The following NEK11 variants were observed in gnomAD, a reference collection of about 807,000 sequenced individuals.
NEK11 encodes the protein NIMA related kinase 11, also known as serine/threonine-protein kinase Nek11.
NEK11 carries 72 observed loss-of-function variants against 80.7 expected under a neutral mutation model. The observed-to-expected ratio is 0.89, with a 90% CI of 0.74 to 1.08. The LOEUF (loss-of-function observed/expected upper bound fraction) is 1.08, where lower values mean the gene tolerates loss of function less well. Among genes scored for constraint, NEK11 ranks in the 50% least tolerant of loss-of-function variants. The probability of loss-of-function intolerance (pLI) is 0.00; values close to 1 mark genes in which losing one functional copy is unlikely to be tolerated. For missense variants in NEK11, 764 were observed against 763.6 expected, an observed-to-expected ratio of 1.00 and a Z score of -0.01; for synonymous variants, 251 against 260.7, an observed-to-expected ratio of 0.96 and a Z score of 0.36.
chr3:131,271,969 G>T (rs987664380), intron 16 of NEK11, among the ~76,000 whole-genome samples: 16 of 151,204 alleles, frequency 1.1e-4, no homozygotes, highest in African/African-American at 3.9e-4. Flanking sequence ...GCATGGTGGC[G>T]CACGCCTGTA....
intron 16 of NEK11, among the ~76,000 whole-genome samples, chr3:131,248,413 A>G (rs1037153802): frequency 3.5e-4 from 53 of 152,040 alleles, no homozygotes; most frequent in Non-Finnish European, 5.7e-4. Context: ...AGTACATGAG[A>G]TTTTTTAAAT....
chr3:131,262,120 A>G (rs1331370747), intron 16 of NEK11, among the ~76,000 whole-genome samples: 1 of 152,190 alleles, frequency 6.6e-6, no homozygotes, highest in African/African-American at 2.4e-5. Context: ...TTAAAGAAAT[A>G]AAAAGGATTG....
chr3:131,297,007 CT>C (rs1331092400), intron 17 of NEK11, among the ~76,000 whole-genome samples: 2 of 152,122 alleles, frequency 1.3e-5, no homozygotes, highest in African/African-American at 4.8e-5. Context: ...TTTTTTATGG[CT>C]GCATAGTATT....
Position 131,350,087 on chromosome 3 carries a change from G to C in NEK11, c.*311G>C, listed in dbSNP as rs1000348922. On this transcript the variant is annotated 3_prime_UTR_variant, in exon 18 of 18. Transcript: ENST00000383366. The stretch of plus-strand genomic sequence containing the variant: ...GGATTGAGTCACCCTGACGATGACC[G>C]GGGAGAAGCCGTGTGCTCTTCATTA... 3.3e-6 allele frequency: 1 copy of C among 301,980 alleles called. No individual in the cohort carries two copies. Among genetic ancestry groups the C allele is most frequent in the Non-Finnish European group, 6.3e-6 (1 of 158,828 alleles). 18.7% of individuals were successfully genotyped at this position (301,980 alleles called of 1,614,324 possible).
chr3:131,165,349 A>T, intron 11 of NEK11, 77 bp from the exon 12 acceptor site: 1 of 884,860 alleles, frequency 1.1e-6, no homozygotes, highest in Non-Finnish European at 1.8e-6. Flanking sequence ...TGAAATAAGG[A>T]TCACACTCAT....
At chr3:131,316,645 C>T (rs945868813) in intron 17 of NEK11, among the ~76,000 whole-genome samples, 3 of 151,976 alleles carry the variant, frequency 2.0e-5, no homozygotes, top group Non-Finnish European at 4.4e-5. Context: ...TTTGTTTTTG[C>T]TTTTTTTGTT....
At chr3:131,111,551 C>A (rs2080134724) in intron 5 of NEK11, among the ~76,000 whole-genome samples, 1 of 152,134 alleles carries the variant, frequency 6.6e-6, no homozygotes, top group Non-Finnish European at 1.5e-5. Flanking sequence ...ACCCTTATAA[C>A]TATAAGCCAT....
intron 14 of NEK11, among the ~76,000 whole-genome samples, chr3:131,203,226 A>T (rs1043788694): frequency 6.6e-6 from 1 of 152,152 alleles, no homozygotes; most frequent in Admixed American, 6.5e-5. Flanking sequence ...TGGCACATAT[A>T]CACCATGGAA....
chr3:131,253,102 G>A (rs1193287145), intron 16 of NEK11, among the ~76,000 whole-genome samples: 1 of 152,098 alleles, frequency 6.6e-6, no homozygotes, highest in Non-Finnish European at 1.5e-5. Flanking sequence ...CATTTAGAGA[G>A]CTCATGAAGG....
At chr3:131,104,009 T>G (rs1254939406) in intron 4 of NEK11, among the ~76,000 whole-genome samples, 2 of 152,022 alleles carry the variant, frequency 1.3e-5, no homozygotes, top group African/African-American at 2.4e-5. Flanking sequence ...CTAATTTGAG[T>G]GATCAGCTAG....
intron 5 of NEK11, among the ~76,000 whole-genome samples, chr3:131,131,103 A>G (rs1472195241): frequency 6.6e-6 from 1 of 152,196 alleles, no homozygotes. Context: ...CGCCTGGCCT[A>G]CAATGTTGGA....
chr3:131,132,232 T>G (rs189138803), intron 5 of NEK11, among the ~76,000 whole-genome samples: 30 of 152,190 alleles, frequency 2.0e-4, no homozygotes, highest in Non-Finnish European at 4.0e-4. Context: ...TATGCAAAGA[T>G]TTTCAAGTTT....
intron 17 of NEK11, among the ~76,000 whole-genome samples, chr3:131,315,623 C>A (rs2096830875): frequency 6.6e-6 from 1 of 151,726 alleles, no homozygotes; most frequent in Admixed American, 6.6e-5. Flanking sequence ...TAAACATGTG[C>A]CATGGTGGTT....
intron 17 of NEK11, among the ~76,000 whole-genome samples, chr3:131,313,167 A>G (rs781716746): frequency 6.6e-6 from 1 of 152,114 alleles, no homozygotes; most frequent in Non-Finnish European, 1.5e-5. Flanking sequence ...CACTTTTTAC[A>G]GCTGCATAGT....
chr3:131,218,905 G>A (rs1199992492), intron 14 of NEK11, among the ~76,000 whole-genome samples: 2 of 152,130 alleles, frequency 1.3e-5, no homozygotes, highest in African/African-American at 4.8e-5. Flanking sequence ...GGTTGCTGGA[G>A]AGGATGTGGA....
At chr3:131,028,789 C>T (rs1024272275) in intron 2 of NEK11, among the ~76,000 whole-genome samples, 5 of 151,954 alleles carry the variant, frequency 3.3e-5, no homozygotes, top group Non-Finnish European at 7.4e-5. Flanking sequence ...CTCCTGACCT[C>T]GTGATCCGCC....
chr3:131,170,665 G>T (rs2092625020), intron 13 of NEK11, 108 bp from the exon 14 acceptor site: 5 of 747,136 alleles, frequency 6.7e-6, no homozygotes, highest in Admixed American at 2.0e-5. Context: ...GAGAGGATTA[G>T]GTAGGCTTGT....
chr3:131,156,622 T>C (rs2090683755), intron 10 of NEK11, among the ~76,000 whole-genome samples: 1 of 152,158 alleles, frequency 6.6e-6, no homozygotes, highest in South Asian at 2.1e-4. Flanking sequence ...TATGGTGTAG[T>C]GGTTAATTGC....
At chr3:131,244,883 C>T (rs1297260340) in intron 16 of NEK11, among the ~76,000 whole-genome samples, 3 of 151,986 alleles carry the variant, frequency 2.0e-5, no homozygotes, top group Non-Finnish European at 4.4e-5. Flanking sequence ...GTGATTATAC[C>T]ACTGTACTTC....
Sources: allele counts gnomAD v4.1 joint callset (sites outside exome capture counted in the v4.1 genomes callset), GRCh38; gene constraint gnomAD v4.1.1; transcripts MANE v1.5; gene names NCBI Gene and HGNC (gene_info 2026-07-23, HGNC 2026-07-21).